GRID2: variants seen among roughly 807,000 people sequenced by gnomAD.
GRID2 encodes the protein glutamate receptor ionotropic, delta-2.
In GRID2, 33 loss-of-function variants were observed where a neutral mutation model predicts 114.8. The observed-to-expected ratio is 0.29, with a 90% CI of 0.22 to 0.38. The LOEUF (loss-of-function observed/expected upper bound fraction) is 0.38, where lower values mean the gene tolerates loss of function less well. GRID2 is among the 10% of genes least tolerant of loss of function. The pLI, the probability that GRID2 is intolerant of heterozygous loss-of-function variation, is 1.00. For synonymous variants in GRID2, 505 were observed against 449.9 expected, an observed-to-expected ratio of 1.12 and a Z score of -1.55; for missense variants, 1,184 against 1,257.7, an observed-to-expected ratio of 0.94 and a Z score of 0.89.
chr4:93,006,522 G>C (rs1721544105), intron 2 of GRID2, among the ~76,000 whole-genome samples: 1 of 151,610 alleles, frequency 6.6e-6, no homozygotes, highest in South Asian at 2.1e-4. Flanking sequence ...AGAAGTGTAT[G>C]GAAAATTCTT....
intron 4 of GRID2, among the ~76,000 whole-genome samples, chr4:93,151,271 T>G (rs1371897500): frequency 1.3e-5 from 2 of 152,242 alleles, no homozygotes; most frequent in East Asian, 3.9e-4. Flanking sequence ...GGCTGTCATC[T>G]GAGGTCTGGT....
chr4:92,948,451 A>G (rs893154135), intron 2 of GRID2, among the ~76,000 whole-genome samples: 2 of 151,812 alleles, frequency 1.3e-5, no homozygotes, highest in Non-Finnish European at 2.9e-5. Flanking sequence ...TACATGCATT[A>G]TTGTTATAGT....
chr4:92,383,635 T>C (rs1001374962), intron 1 of GRID2, among the ~76,000 whole-genome samples: 3 of 151,988 alleles, frequency 2.0e-5, no homozygotes, highest in African/African-American at 7.2e-5. Context: ...TATTCATCTA[T>C]GTATTTGCTC....
At chr4:93,213,300 G>A (rs1020311672) in intron 5 of GRID2, among the ~76,000 whole-genome samples, 2 of 151,940 alleles carry the variant, frequency 1.3e-5, no homozygotes, top group Non-Finnish European at 2.9e-5. Context: ...TTTTATGGAA[G>A]CATCAAAGGG....
chr4:93,035,262 C>T (rs145341900), intron 2 of GRID2, among the ~76,000 whole-genome samples: 37 of 152,082 alleles, frequency 2.4e-4, no homozygotes, highest in African/African-American at 7.7e-4. Context: ...TGCACTACCA[C>T]GAGCATGCCT....
chr4:92,331,899 T>C (rs1726908658), intron 1 of GRID2, among the ~76,000 whole-genome samples: 1 of 152,194 alleles, frequency 6.6e-6, no homozygotes, highest in Non-Finnish European at 1.5e-5. Context: ...CAGTATGTCC[T>C]GATTTCACTG....
chr4:92,340,654 A>G (rs886108243), intron 1 of GRID2, among the ~76,000 whole-genome samples: 2 of 152,196 alleles, frequency 1.3e-5, no homozygotes, highest in African/African-American at 2.4e-5. Flanking sequence ...CCTTCTCCAA[A>G]CAGAAGGATG....
At chr4:93,279,297 G>A (rs1464575948) in intron 8 of GRID2, among the ~76,000 whole-genome samples, 3 of 151,440 alleles carry the variant, frequency 2.0e-5, no homozygotes, top group Non-Finnish European at 4.4e-5. Context: ...GGCACACTAC[G>A]AGTACACAAA....
intron 2 of GRID2, among the ~76,000 whole-genome samples, chr4:92,766,536 CAAAA>C (rs34162997): frequency 1.1e-5 from 1 of 86,968 alleles, no homozygotes; most frequent in African/African-American, 4.5e-5. Context: ...GACTCCTTCT[CAAAA>C]AAAAAAAAAA....
chr4:93,257,070 C>A (rs1371085659), intron 8 of GRID2, among the ~76,000 whole-genome samples: 2 of 151,768 alleles, frequency 1.3e-5, no homozygotes, highest in Non-Finnish European at 3.0e-5. Flanking sequence ...AGAAATCTAA[C>A]AACTTAACGT....
intron 2 of GRID2, among the ~76,000 whole-genome samples, chr4:93,063,255 A>G (rs1727965706): frequency 6.6e-6 from 1 of 151,958 alleles, no homozygotes; most frequent in Non-Finnish European, 1.5e-5. Flanking sequence ...AGAGGTGTGC[A>G]TGTTTTCACT....
At chr4:92,799,811 G>A (rs140012546) in intron 2 of GRID2, among the ~76,000 whole-genome samples, 15 of 152,024 alleles carry the variant, frequency 9.9e-5, no homozygotes, top group Admixed American at 3.9e-4. Context: ...AGTAAGTATC[G>A]TTTTCTCAAG....
chr4:93,611,654 G>A (rs1210363761), intron 13 of GRID2, among the ~76,000 whole-genome samples: 10 of 118,988 alleles, frequency 8.4e-5, no homozygotes, highest in African/African-American at 4.0e-4. Context: ...CTGAGTTCTA[G>A]TTTGATTGCA....
intron 13 of GRID2, among the ~76,000 whole-genome samples, chr4:93,563,715 C>T (rs1304420025): frequency 6.6e-6 from 1 of 151,856 alleles, no homozygotes; most frequent in Non-Finnish European, 1.5e-5. Flanking sequence ...TCTCTGTAGG[C>T]TTGTTTTATT....
At chr4:92,669,137 A>G (rs1224980518) in intron 2 of GRID2, among the ~76,000 whole-genome samples, 1 of 151,972 alleles carries the variant, frequency 6.6e-6, no homozygotes, top group Admixed American at 6.6e-5. Context: ...TTTTGAATAT[A>G]TACAAGAATG....
At chr4:93,317,722 A>T (rs979486520) in intron 8 of GRID2, among the ~76,000 whole-genome samples, 2 of 151,886 alleles carry the variant, frequency 1.3e-5, no homozygotes, top group Non-Finnish European at 2.9e-5. Flanking sequence ...GCGAGTGAGC[A>T]GAATTATATT....
At chr4:92,310,903 G>A (rs1323214735) in intron 1 of GRID2, among the ~76,000 whole-genome samples, 1 of 151,940 alleles carries the variant, frequency 6.6e-6, no homozygotes, top group African/African-American at 2.4e-5. Context: ...GGGGAAATAA[G>A]GAACATGAAA....
chr4:93,510,548 A>C (rs1319081095), intron 12 of GRID2, among the ~76,000 whole-genome samples: 1 of 152,202 alleles, frequency 6.6e-6, no homozygotes, highest in Non-Finnish European at 1.5e-5. Flanking sequence ...AAATTGTATA[A>C]ATGTCCCAGA....
At chr4:92,574,023 C>T (rs766642022) in intron 1 of GRID2, among the ~76,000 whole-genome samples, 6 of 152,162 alleles carry the variant, frequency 3.9e-5, no homozygotes, top group Non-Finnish European at 7.4e-5. Flanking sequence ...AGATAGTTAG[C>T]TGTTCTTGTT....
Sources: gnomAD v4.1 joint callset for allele counts (sites outside exome capture counted in the v4.1 genomes callset) on GRCh38, gnomAD v4.1.1 for gene constraint, MANE v1.5 for transcripts, NCBI Gene and HGNC (gene_info 2026-07-23, HGNC 2026-07-21) for gene names.